Variants in CELF1 observed in about 807,000 individuals in gnomAD.
CELF1 encodes the protein CUGBP Elav-like family member 1, also known as 50 kDa nuclear polyadenylated RNA-binding protein.
Under a neutral mutation model 61.8 loss-of-function variants are expected in CELF1, and 10 were observed. The ratio of observed to expected loss-of-function variants is 0.16; its 90% CI spans 0.10 to 0.27. The LOEUF is 0.27. Among genes scored for constraint, CELF1 ranks in the 10% least tolerant of loss-of-function variants. CELF1 has a pLI of 1.00. For missense variants in CELF1, 380 were observed against 639.1 expected (o/e 0.59, Z 4.37); for synonymous variants, 236 against 225.1 (o/e 1.05, Z -0.43).
chr11:47,557,212 GTTTGTTTTGT>G (rs1216086320), upstream of CELF1, among the ~76,000 whole-genome samples: 1 of 147,182 alleles, frequency 6.8e-6, no homozygotes, highest in Non-Finnish European at 1.5e-5. Context: ...TCTTGGTTTT[GTTTGTTTTGT>G]TTTGTTTTTT....
upstream of CELF1, among the ~76,000 whole-genome samples, chr11:47,555,330 C>T (rs775343382): frequency 2.0e-5 from 3 of 151,842 alleles, no homozygotes; most frequent in Non-Finnish European, 4.4e-5. Context: ...CCATGCCCAT[C>T]TTGTTATTCT....
chr11:47,473,245 A>G lies in CELF1; in HGVS notation c.1274-14T>C. ...CTCCCTCTGGACCTTCAAAATACCC[A>G]GGAATTGGAAAAGTATCAGTGTCAA... is the stretch of plus-strand genomic sequence containing the variant. On this transcript the variant is annotated splice_polypyrimidine_tract_variant and intron_variant, in intron 13 of 14. Coordinates refer to ENST00000687097, the MANE Select transcript of CELF1 (RefSeq NM_001376376.1). 6.2e-7 allele frequency: 1 copy of G among 1,608,166 alleles called. No individual in the cohort carries two copies. Among genetic ancestry groups the G allele is most frequent in the Non-Finnish European group, 8.5e-7 (1 of 1,177,960 alleles).
chr11:47,480,502 T>C (rs2082394124), intron 9 of CELF1, among the ~76,000 whole-genome samples: 1 of 152,206 alleles, frequency 6.6e-6, no homozygotes, highest in Admixed American at 6.5e-5. Flanking sequence ...GCAGGAATCA[T>C]GTCTAACCAA....
intron 3 of CELF1, among the ~76,000 whole-genome samples, chr11:47,495,549 G>A (rs1403160162): frequency 6.6e-6 from 1 of 152,180 alleles, no homozygotes; most frequent in Non-Finnish European, 1.5e-5. Flanking sequence ...AAACTTTATA[G>A]TATGTGAATT....
chr11:47,564,738 C>G (rs1404100570), intron 1 of CELF1, among the ~76,000 whole-genome samples: 1 of 152,202 alleles, frequency 6.6e-6, no homozygotes. Context: ...TTGCAGTGAG[C>G]TGAGATCTTG....
intron 1 of CELF1, among the ~76,000 whole-genome samples, chr11:47,517,260 G>GA (rs57071560): frequency 0.096 from 7,357 of 77,008 alleles, 504 homozygotes; most frequent in East Asian, 0.29. Flanking sequence ...AACAAACAGA[G>GA]AAAAAAAAAA....
chr11:47,512,113 G>C (rs2095240594), intron 1 of CELF1, among the ~76,000 whole-genome samples: 1 of 152,082 alleles, frequency 6.6e-6, no homozygotes, highest in South Asian at 2.1e-4. Context: ...GCCTCCCAGA[G>C]TAAGCTAGGA....
At chr11:47,565,445 G>A (rs2097241954) in exon 1 of CELF1, 3 of 490,006 alleles carry the variant, frequency 6.1e-6, no homozygotes, top group East Asian at 4.6e-5. Flanking sequence ...AGGCCGCCGG[G>A]CCCTCCTCCA....
chr11:47,543,128 G>A (rs1284543342), intron 1 of CELF1, among the ~76,000 whole-genome samples: 1 of 152,034 alleles, frequency 6.6e-6, no homozygotes, highest in Non-Finnish European at 1.5e-5. Flanking sequence ...AAGAAGGCCA[G>A]CATGGTAGCT....
intron 1 of CELF1, among the ~76,000 whole-genome samples, chr11:47,519,856 C>T (rs978069757): frequency 2.7e-5 from 4 of 150,826 alleles, no homozygotes; most frequent in Admixed American, 6.6e-5. Context: ...GAGCCAGACT[C>T]CGTCTCAAAA....
At chr11:47,503,560 C>G (rs2094179140) in intron 1 of CELF1, among the ~76,000 whole-genome samples, 1 of 152,142 alleles carries the variant, frequency 6.6e-6, no homozygotes, top group Non-Finnish European at 1.5e-5. Flanking sequence ...TTGCAAAAAT[C>G]TAGGGAATGG....
At chr11:47,559,335 G>C (rs1273268116) in intron 2 of CELF1, among the ~76,000 whole-genome samples, 1 of 150,434 alleles carries the variant, frequency 6.6e-6, no homozygotes, top group African/African-American at 2.4e-5. Flanking sequence ...AAAGTGCTGG[G>C]ATTATAGGCA....
At chr11:47,475,263 G>A (rs2079489857) in intron 13 of CELF1, 73 bp downstream of exon 13, 1 of 1,449,978 alleles carries the variant, frequency 6.9e-7, no homozygotes, top group African/African-American at 1.4e-5. Flanking sequence ...CTCAGCCTTT[G>A]CTCTGCCTTT....
chr11:47,499,201 A>G (rs967829), intron 3 of CELF1, among the ~76,000 whole-genome samples: 151,609 of 152,344 alleles, frequency 1, 75,444 homozygotes, highest in Middle Eastern at 1. Flanking sequence ...AATTGGAGCT[A>G]GCACACTTGA....
intron 6 of CELF1, 96 bp from the exon 7 acceptor site, chr11:47,484,619 C>G: frequency 1.0e-6 from 1 of 967,700 alleles, no homozygotes; most frequent in South Asian, 1.6e-5. Flanking sequence ...TGAATCCTGG[C>G]TCTGTACCAT....
chr11:47,528,208 A>G lies in CELF1; in HGVS notation c.-154+24784T>C, dbSNP rs184947588. On this transcript the variant is annotated intron_variant, in intron 1 of 14. Coordinates refer to ENST00000687097, the MANE Select transcript of CELF1 (RefSeq NM_001376376.1). Reference sequence around the variant, plus strand: ...AAAATCAAAATGACTATAAACACGTAAAGTATGGCCTTTGATATGTCAGTT... The same window carrying G: ...AAAATCAAAATGACTATAAACACGTGAAGTATGGCCTTTGATATGTCAGTT... Among the ~76,000 whole-genome samples the G allele has an allele frequency of 6.2e-3, 947 of 152,022 alleles. 27 individuals carry two copies. Among genetic ancestry groups the G allele is most frequent in the Admixed American group, 0.055 (834 of 15,198 alleles).
At chr11:47,522,201 C>T (rs572738827) in intron 1 of CELF1, among the ~76,000 whole-genome samples, 24 of 152,034 alleles carry the variant, frequency 1.6e-4, no homozygotes, top group African/African-American at 5.5e-4. Context: ...GTGTGAGCCA[C>T]CTTGCCCAGC....
At chr11:47,537,708 T>C (rs1459348737) in intron 1 of CELF1, among the ~76,000 whole-genome samples, 1 of 152,134 alleles carries the variant, frequency 6.6e-6, no homozygotes, top group Non-Finnish European at 1.5e-5. Flanking sequence ...TAATCCTTAA[T>C]ACTGAACTGT....
At chr11:47,535,352 G>A (rs1043132992) in intron 1 of CELF1, among the ~76,000 whole-genome samples, 25 of 152,078 alleles carry the variant, frequency 1.6e-4, no homozygotes, top group African/African-American at 3.6e-4. Context: ...ATTAACTACC[G>A]TAGGCAATAG....
Sources: allele counts gnomAD v4.1 joint callset (sites outside exome capture counted in the v4.1 genomes callset), GRCh38; gene constraint gnomAD v4.1.1; transcripts MANE v1.5; gene names NCBI Gene and HGNC (gene_info 2026-07-23, HGNC 2026-07-21).